The following DPCD variants were observed in gnomAD, a reference collection of about 807,000 sequenced individuals.
DPCD encodes protein DPCD.
A neutral mutation model predicts 26.4 loss-of-function variants in DPCD; 20 were observed. That is an observed-to-expected ratio of 0.76 (90% CI 0.53 to 1.10). DPCD has a LOEUF of 1.10. Ranked by LOEUF, DPCD falls within the 50% of genes least tolerant of loss-of-function variation. DPCD has a pLI of 0.00. For synonymous variants in DPCD, 97 were observed against 94.2 expected (o/e 1.03, Z -0.17); for missense variants, 202 against 253.9 (o/e 0.80, Z 1.39).
rs371714128 is a variant in DPCD, at chr10:101,603,720, G to T, written c.404+2384G>T. 3.8e-4 allele frequency among the ~76,000 whole-genome samples: 57 copies of T among 150,820 alleles called. No homozygotes were observed. Among genetic ancestry groups the T allele is most frequent in the African/African-American group, 1.4e-3 (56 of 40,950 alleles). On this transcript the variant is annotated intron_variant, in intron 4 of 5. Transcript: ENST00000370151. This position sits in a 1 kb window ranked among gnomAD's most constrained non-coding sequence, Gnocchi z 4.6. ...TGCAGTGAGCCAAGATCATGCCATTGCACTCCAGCCTGGGTGACAGAGTGA... is the reference window on the plus strand; with the variant it reads ...TGCAGTGAGCCAAGATCATGCCATTTCACTCCAGCCTGGGTGACAGAGTGA...
At chr10:101,601,952 C>T (rs2063701581) in intron 4 of DPCD, among the ~76,000 whole-genome samples, 1 of 152,156 alleles carries the variant, frequency 6.6e-6, no homozygotes, top group Non-Finnish European at 1.5e-5. Context: ...AGGCAAACTG[C>T]AGGGGTTGAA....
intron 3 of DPCD, 108 bp from the exon 4 acceptor site, chr10:101,601,095 C>A: frequency 2.0e-6 from 3 of 1,530,408 alleles, no homozygotes; most frequent in Middle Eastern, 2.3e-4. Context: ...CAGAGGGGAG[C>A]AGTGGAGAAG....
chr10:101,608,015 C>A (rs1249453420), intron 4 of DPCD, among the ~76,000 whole-genome samples: 1 of 152,188 alleles, frequency 6.6e-6, no homozygotes, highest in African/African-American at 2.4e-5. Flanking sequence ...TCTCTCTGAG[C>A]CCGAGTTCCC....
chr10:101,595,081 CA>C (rs970890499), intron 2 of DPCD, among the ~76,000 whole-genome samples: 1 of 152,130 alleles, frequency 6.6e-6, no homozygotes, highest in African/African-American at 2.4e-5. Context: ...CAGACTTTCA[CA>C]ATTTGTTTTT....
At chr10:101,599,818 G>C (rs1046215508) in intron 2 of DPCD, among the ~76,000 whole-genome samples, 2 of 152,200 alleles carry the variant, frequency 1.3e-5, no homozygotes, top group African/African-American at 4.8e-5. Flanking sequence ...TCCTCAGGCT[G>C]GAGGATACCA....
intron 5 of DPCD, 155 bp downstream of exon 5, chr10:101,609,092 C>G (rs1280054028): frequency 2.8e-6 from 2 of 708,382 alleles, no homozygotes; most frequent in Non-Finnish European, 4.8e-6. Context: ...TGGGGGAGAG[C>G]AGGGAGGGGG....
chr10:101,608,982 T>G, intron 5 of DPCD, 45 bp downstream of exon 5: 2 of 1,463,236 alleles, frequency 1.4e-6, no homozygotes, highest in Non-Finnish European at 9.6e-7. Flanking sequence ...AGGGAGAGTC[T>G]TCCTCTTTCC....
rs183533242 is a variant in DPCD, at chr10:101,609,448, G to A, written c.589G>A (p.Asp197Asn). ...LKKVKTAHSN[D>N]GDCKTQ is the part of the protein sequence containing the mutation. ...GAAGGTGAAGACAGCCCACAGCAACGATGGGGACTGCAAGACCCAGTAGTT... is the reference window on the plus strand; with the variant it reads ...GAAGGTGAAGACAGCCCACAGCAACAATGGGGACTGCAAGACCCAGTAGTT... The change falls in exon 6 of 6, where the codon GAT becomes AAT. Residue 197 changes from aspartate to asparagine, a missense_variant. By Grantham distance (23) the Asp-to-Asn change is conservative. Around this residue, in one of 3 missense-constraint regions of DPCD, gnomAD observed 118 missense variants for 145.1 expected, o/e 0.81. Transcript: ENST00000370151. 409 of 1,614,110 alleles carry A rather than the reference G, an allele frequency of 2.5e-4. 5 individuals carry two copies. The East Asian group carries it at 8.0e-3, about 32-fold the overall frequency.
rs2063692189 is a variant in DPCD, at chr10:101,600,976, A to C, written c.270+114A>C. ...TTCACCTCCTCGCCTCCAGTGTGCCACCTGGACACAGCACTCTATAAATGT... is the reference window on the plus strand; with the variant it reads ...TTCACCTCCTCGCCTCCAGTGTGCCCCCTGGACACAGCACTCTATAAATGT... On this transcript the variant is annotated intron_variant, in intron 3 of 5. Coordinates refer to ENST00000370151, the MANE Select transcript of DPCD (RefSeq NM_015448.3). The surrounding 1 kb of genome is among the most constrained non-coding windows in gnomAD (Gnocchi z 4.7). The C allele has an allele frequency of 1.3e-6, 2 of 1,519,426 alleles. No homozygotes were observed. Among genetic ancestry groups the C allele is most frequent in the Non-Finnish European group, 8.9e-7 (1 of 1,122,958 alleles). 94.1% of individuals were successfully genotyped at this position (1,519,426 alleles called of 1,614,324 possible).
At chr10:101,609,162 A>G in intron 5 of DPCD, 1 of 643,330 alleles carries the variant, frequency 1.6e-6, no homozygotes, top group South Asian at 1.9e-5. Context: ...GTGAAAGGGA[A>G]GCGGTGGAAA....
intron 1 of DPCD, among the ~76,000 whole-genome samples, chr10:101,589,804 A>C (rs1049038236): frequency 6.6e-6 from 1 of 152,172 alleles, no homozygotes; most frequent in Non-Finnish European, 1.5e-5. Flanking sequence ...GAATCGCTTG[A>C]ACCCGGGAGA....
At position 101,608,819 on chromosome 10, in the gene DPCD, C is replaced by T. The variant is rs2063751099; in HGVS notation, c.405-16C>T. 6.2e-7 allele frequency: 1 copy of T among 1,600,106 alleles called. No homozygotes were observed. Among genetic ancestry groups the T allele is most frequent in the South Asian group, 1.1e-5 (1 of 90,790 alleles). On this transcript the variant is annotated splice_polypyrimidine_tract_variant and intron_variant, in intron 4 of 5. Transcript: ENST00000370151. ...ACCTTGCCGAGTGCCCCAATGGCCT[C>T]TCGGTGTCCCCACAGGTACTACAAG...
At chr10:101,592,327 C>T (rs1185392033) in intron 1 of DPCD, among the ~76,000 whole-genome samples, 1 of 152,130 alleles carries the variant, frequency 6.6e-6, no homozygotes, top group Non-Finnish European at 1.5e-5. Context: ...CTGTAGTGTG[C>T]TATAATCATG....
chr10:101,601,153 A>AGCCTT, intron 3 of DPCD, 50 bp from the exon 4 acceptor site: 2 of 1,609,956 alleles, frequency 1.2e-6, no homozygotes, highest in Non-Finnish European at 1.7e-6. Context: ...ATGAGGGTGG[A>AGCCTT]GCCTTCCCTT....
chr10:101,592,590 G>A (rs1176921748), intron 1 of DPCD, among the ~76,000 whole-genome samples: 1 of 152,064 alleles, frequency 6.6e-6, no homozygotes, highest in Non-Finnish European at 1.5e-5. Context: ...GCATGGTGGT[G>A]TGCAACCATG....
chr10:101,606,456 T>C (rs1042217412), intron 4 of DPCD, among the ~76,000 whole-genome samples: 1 of 152,078 alleles, frequency 6.6e-6, no homozygotes, highest in African/African-American at 2.4e-5. Context: ...CCACTGCATC[T>C]GGAGGCCTTG....
At chr10:101,605,213 G>A in intron 4 of DPCD, 5 of 1,550,204 alleles carry the variant, frequency 3.2e-6, no homozygotes, top group Non-Finnish European at 4.4e-6. Flanking sequence ...CCCCTCTGAG[G>A]TATGTGAGGC....
intron 1 of DPCD, among the ~76,000 whole-genome samples, chr10:101,592,220 T>A (rs527499916): frequency 6.6e-6 from 1 of 152,314 alleles, no homozygotes; most frequent in East Asian, 1.9e-4. Context: ...AATATATAGT[T>A]GGCTTTATAA....
intron 1 of DPCD, among the ~76,000 whole-genome samples, chr10:101,588,911 T>C (rs1353871342): frequency 6.6e-6 from 1 of 152,256 alleles, no homozygotes; most frequent in African/African-American, 2.4e-5. Context: ...CCTTTCCAGC[T>C]GTAATATTTT....
Sources: gnomAD v4.1 joint callset for allele counts (sites outside exome capture counted in the v4.1 genomes callset) on GRCh38, gnomAD v4.1.1 for gene constraint, gnomAD v4.1.1 regional missense constraint, Gnocchi (gnomAD v3.1) non-coding constraint, MANE v1.5 for transcripts, NCBI Gene and HGNC (gene_info 2026-07-23, HGNC 2026-07-21) for gene names.